Variants in POLR3K observed in about 807,000 individuals in gnomAD.
POLR3K encodes RNA polymerase III subunit K.
Under a neutral mutation model 13.5 loss-of-function variants are expected in POLR3K, and 11 were observed. That is an observed-to-expected ratio of 0.81 (90% CI 0.51 to 1.35). POLR3K has a LOEUF of 1.35. Among genes scored for constraint, POLR3K ranks in the 40% most tolerant of loss-of-function variants. POLR3K has a pLI of 0.00. For missense variants in POLR3K, 144 were observed against 145.3 expected, an observed-to-expected ratio of 0.99 and a Z score of 0.05; for synonymous variants, 56 against 51.5, an observed-to-expected ratio of 1.09 and a Z score of -0.38.
chr16:50,565 G>A (rs575863166), intron 2 of POLR3K, among the ~76,000 whole-genome samples: 6 of 152,160 alleles, frequency 3.9e-5, no homozygotes, highest in Admixed American at 6.5e-5. Flanking sequence ...TCTTGTCACC[G>A]AGGCTAGAGT....
intron 2 of POLR3K, among the ~76,000 whole-genome samples, chr16:49,009 G>T (rs540375901): frequency 6.7e-6 from 1 of 148,938 alleles, no homozygotes; most frequent in African/African-American, 2.5e-5. Flanking sequence ...AAAATTAGCC[G>T]GGCGTGGTGG....
intron 1 of POLR3K, among the ~76,000 whole-genome samples, chr16:52,597 C>G (rs1267207267): frequency 6.6e-6 from 1 of 150,802 alleles, no homozygotes; most frequent in African/African-American, 2.4e-5. Flanking sequence ...AACCCCATCT[C>G]TACTAAAAAT....
chr16:50,893 C>G (rs1316479138), intron 2 of POLR3K, among the ~76,000 whole-genome samples: 4 of 152,096 alleles, frequency 2.6e-5, no homozygotes, highest in Admixed American at 6.5e-5. Flanking sequence ...ACAATCATGG[C>G]GAAAGGAACC....
chr16:47,972 T>C (rs1334311068), intron 2 of POLR3K, among the ~76,000 whole-genome samples: 1 of 121,404 alleles, frequency 8.2e-6, no homozygotes, highest in Non-Finnish European at 1.6e-5. Context: ...CACTGCAACC[T>C]CTGCCTCCCG....
At chr16:50,338 C>T (rs918468918) in intron 2 of POLR3K, among the ~76,000 whole-genome samples, 4 of 152,134 alleles carry the variant, frequency 2.6e-5, no homozygotes, top group Admixed American at 6.5e-5. Flanking sequence ...CTTACATTTA[C>T]GTCTTCCCCT....
intron 2 of POLR3K, among the ~76,000 whole-genome samples, chr16:50,900 A>G (rs1897325306): frequency 6.6e-6 from 1 of 152,224 alleles, no homozygotes; most frequent in Admixed American, 6.5e-5. Flanking sequence ...TGGCGAAAGG[A>G]ACCTCTTCAC....
At chr16:52,578 A>G (rs1897345884) in intron 1 of POLR3K, among the ~76,000 whole-genome samples, 1 of 150,722 alleles carries the variant, frequency 6.6e-6, no homozygotes, top group South Asian at 2.1e-4. Flanking sequence ...CCTGGCTAAC[A>G]CACGGTGAAA....
chr16:50,852 T>A (rs1897324724), intron 2 of POLR3K, among the ~76,000 whole-genome samples: 1 of 152,212 alleles, frequency 6.6e-6, no homozygotes, highest in Non-Finnish European at 1.5e-5. Context: ...TACTCACAGT[T>A]CTGCGTGGCT....
intron 2 of POLR3K, among the ~76,000 whole-genome samples, chr16:49,631 G>A (rs948554819): frequency 1.3e-4 from 19 of 151,000 alleles, no homozygotes; most frequent in Non-Finnish European, 1.9e-4. Flanking sequence ...CACTGAGCCT[G>A]GCTAATTTGT....
In POLR3K at chr16:46,996, A is replaced by G. The variant is rs1466592959; in HGVS notation, c.*434T>C. On this transcript the variant is annotated 3_prime_UTR_variant, in exon 3 of 3. Coordinates refer to ENST00000293860, the MANE Select transcript of POLR3K (RefSeq NM_016310.5). ...CTGAGAAGGCAATATTCCAACTTTC[A>G]TTTAAATGAAATATTCAGAATTTTG... The G allele has an allele frequency of 2.0e-5, 3 of 152,370 alleles. No homozygotes were observed. Among genetic ancestry groups the G allele is most frequent in the African/African-American group, 7.2e-5 (3 of 41,454 alleles). The allele number at this position is 152,370 out of a possible 1,614,324, so 9.4% of individuals were successfully genotyped here. A position where few individuals can be genotyped will look rare whatever the true frequency, so the allele number is the denominator to read the frequency against.
In POLR3K at chr16:51,658, A is replaced by C. The variant is rs1897331953; in HGVS notation, c.112-13T>G. On this transcript the variant is annotated splice_polypyrimidine_tract_variant and intron_variant, in intron 1 of 2. Transcript: ENST00000293860. The stretch of plus-strand genomic sequence containing the variant: ...TCCGATTTGTTACCTAACAAAAACA[A>C]CACTTCAGACTCCAAGTAACTGAAT... The C allele has an allele frequency of 1.2e-6, 2 of 1,603,894 alleles. No homozygotes were observed. Among genetic ancestry groups the C allele is most frequent in the Non-Finnish European group, 1.7e-6 (2 of 1,170,850 alleles).
At chr16:52,294 A>G (rs1329014608) in intron 1 of POLR3K, among the ~76,000 whole-genome samples, 4 of 151,626 alleles carry the variant, frequency 2.6e-5, no homozygotes, top group Non-Finnish European at 4.4e-5. Context: ...TAAAAATACA[A>G]AAATTAGCCG....
At chr16:50,522 A>G (rs1375225781) in intron 2 of POLR3K, among the ~76,000 whole-genome samples, 3 of 152,090 alleles carry the variant, frequency 2.0e-5, no homozygotes, top group South Asian at 2.1e-4. Flanking sequence ...TATAGACAAA[A>G]GGGGTTTTGT....
At chr16:49,480 T>G (rs1192129679) in intron 2 of POLR3K, among the ~76,000 whole-genome samples, 1 of 149,748 alleles carries the variant, frequency 6.7e-6, no homozygotes, top group Non-Finnish European at 1.5e-5. Flanking sequence ...ATTTCTGACA[T>G]TAGGTAAAAA....
intron 2 of POLR3K, among the ~76,000 whole-genome samples, chr16:49,640 G>GTTT (rs113159157): frequency 1.6e-5 from 2 of 125,026 alleles, no homozygotes; most frequent in Non-Finnish European, 3.5e-5. Context: ...TGGCTAATTT[G>GTTT]TTTTTTTTTT....
chr16:49,967 T>C (rs1304210851), intron 2 of POLR3K, among the ~76,000 whole-genome samples: 1 of 151,570 alleles, frequency 6.6e-6, no homozygotes, highest in Non-Finnish European at 1.5e-5. Context: ...GATTTGTATG[T>C]TCTTTTTTTT....
chr16:52,360 T>A (rs981962557), intron 1 of POLR3K, among the ~76,000 whole-genome samples: 6 of 148,758 alleles, frequency 4.0e-5, no homozygotes, highest in African/African-American at 7.5e-5. Flanking sequence ...GGCAGAAGAA[T>A]TGCTTGAACC....
intron 2 of POLR3K, among the ~76,000 whole-genome samples, chr16:50,803 C>T (rs1467796222): frequency 6.6e-6 from 1 of 152,180 alleles, no homozygotes. Context: ...GATTTACAGG[C>T]GTGAGCCACG....
chr16:50,462 G>A (rs1439756471), intron 2 of POLR3K, among the ~76,000 whole-genome samples: 1 of 152,164 alleles, frequency 6.6e-6, no homozygotes, highest in Non-Finnish European at 1.5e-5. Flanking sequence ...TTAGAAGCGT[G>A]TATTAGTCCG....
Sources: allele counts gnomAD v4.1 joint callset (sites outside exome capture counted in the v4.1 genomes callset), GRCh38; gene constraint gnomAD v4.1.1; transcripts MANE v1.5; gene names NCBI Gene and HGNC (gene_info 2026-07-23, HGNC 2026-07-21).